Variants in SGK3 observed in about 807,000 individuals in gnomAD.
SGK3 encodes the protein serum/glucocorticoid regulated kinase family member 3, also known as serine/threonine-protein kinase Sgk3.
Under a neutral mutation model 68.5 loss-of-function variants are expected in SGK3, and 47 were observed. The ratio of observed to expected loss-of-function variants is 0.69; its 90% confidence interval spans 0.54 to 0.87. SGK3 has a LOEUF of 0.87. SGK3 is among the 40% of genes least tolerant of loss of function. SGK3 has a pLI of 0.00. For synonymous variants in SGK3, 181 were observed against 189.1 expected (o/e 0.96, Z 0.35); for missense variants, 479 against 575.5 (o/e 0.83, Z 1.72).
intron 1 of SGK3, among the ~76,000 whole-genome samples, chr8:66,749,719 T>C (rs1200156633): frequency 6.6e-6 from 1 of 152,122 alleles, no homozygotes; most frequent in African/African-American, 2.4e-5. Flanking sequence ...TTAGAGACGA[T>C]TGATTTATTC....
chr8:66,839,511 ATAT>A (rs2130719446), intron 10 of SGK3, among the ~76,000 whole-genome samples: 1 of 26,154 alleles, frequency 3.8e-5, no homozygotes, highest in East Asian at 1.6e-3. Context: ...ATATATATAT[ATAT>A]ATATATATAT....
intron 5 of SGK3, 125 bp from the exon 6 acceptor site, chr8:66,822,247 G>T: frequency 1.3e-6 from 1 of 768,918 alleles, no homozygotes; most frequent in South Asian, 3.5e-5. Context: ...AATATTAATG[G>T]ATTCTGTTTT....
At chr8:66,812,010 A>G (rs1808399605) in intron 4 of SGK3, among the ~76,000 whole-genome samples, 1 of 152,240 alleles carries the variant, frequency 6.6e-6, no homozygotes, top group Admixed American at 6.5e-5. Context: ...TTCTGGCTCC[A>G]AAAGACCAGA....
chr8:66,829,903 C>T (rs1185294928), intron 7 of SGK3, among the ~76,000 whole-genome samples: 3 of 148,436 alleles, frequency 2.0e-5, no homozygotes. Flanking sequence ...GACAGAGTCT[C>T]GCTCTGTCGC....
intron 7 of SGK3, among the ~76,000 whole-genome samples, chr8:66,830,931 A>C (rs1422036588): frequency 6.6e-6 from 1 of 152,210 alleles, no homozygotes; most frequent in Non-Finnish European, 1.5e-5. Context: ...GTTTAGATAG[A>C]AGCTATTTCA....
chr8:66,818,501 T>C (rs1485405472), intron 5 of SGK3, among the ~76,000 whole-genome samples: 1 of 152,214 alleles, frequency 6.6e-6, no homozygotes, highest in Non-Finnish European at 1.5e-5. Context: ...CTGAATTATA[T>C]CATCCCCTTA....
intron 14 of SGK3, among the ~76,000 whole-genome samples, chr8:66,844,414 T>C (rs1002661822): frequency 1.3e-5 from 2 of 152,178 alleles, no homozygotes; most frequent in Non-Finnish European, 2.9e-5. Context: ...CAGTTCTTAT[T>C]TAGTTAAAGA....
intron 1 of SGK3, among the ~76,000 whole-genome samples, chr8:66,742,954 A>G (rs1223433606): frequency 6.6e-6 from 1 of 152,018 alleles, no homozygotes; most frequent in Non-Finnish European, 1.5e-5. Context: ...CCTGCTTTTG[A>G]GCCTTTACTT....
chr8:66,748,582 C>T (rs1239975090), intron 1 of SGK3, among the ~76,000 whole-genome samples: 1 of 152,186 alleles, frequency 6.6e-6, no homozygotes, highest in Non-Finnish European at 1.5e-5. Context: ...CTCGATCCTC[C>T]TGGACCTGAC....
intron 1 of SGK3, among the ~76,000 whole-genome samples, chr8:66,755,136 A>G (rs1344653649): frequency 1.3e-5 from 2 of 151,932 alleles, no homozygotes; most frequent in African/African-American, 2.4e-5. Context: ...CAGCACTCCT[A>G]TAATCCCAGC....
chr8:66,737,030 G>A (rs1248934025), intron 1 of SGK3, among the ~76,000 whole-genome samples: 1 of 150,876 alleles, frequency 6.6e-6, no homozygotes, highest in Non-Finnish European at 1.5e-5. Flanking sequence ...CTCTTGTTTT[G>A]GCCTCCCAAA....
intron 1 of SGK3, among the ~76,000 whole-genome samples, chr8:66,746,014 TTA>T (rs1343179326): frequency 6.6e-6 from 1 of 152,162 alleles, no homozygotes; most frequent in Non-Finnish European, 1.5e-5. Context: ...CATAGCAGAT[TTA>T]TTAAAGCTGA....
At chr8:66,794,178 A>T (rs1490268979) in intron 2 of SGK3, among the ~76,000 whole-genome samples, 1 of 152,254 alleles carries the variant, frequency 6.6e-6, no homozygotes, top group African/African-American at 2.4e-5. Flanking sequence ...CATCGATTCC[A>T]TATTAAGAAC....
chr8:66,779,609 A>AT (rs1232147104), intron 1 of SGK3, among the ~76,000 whole-genome samples: 1 of 138,686 alleles, frequency 7.2e-6, no homozygotes, highest in African/African-American at 2.6e-5. Flanking sequence ...TATAAAACAC[A>AT]TTTTTTATAT....
At chr8:66,726,571 C>T (rs1466927787) in intron 1 of SGK3, among the ~76,000 whole-genome samples, 2 of 151,870 alleles carry the variant, frequency 1.3e-5, no homozygotes, top group African/African-American at 4.8e-5. Context: ...GAAACTTGTG[C>T]CAGATTTCAA....
chr8:66,743,803 G>T (rs530334054), intron 1 of SGK3, among the ~76,000 whole-genome samples: 2 of 152,322 alleles, frequency 1.3e-5, no homozygotes, highest in African/African-American at 4.8e-5. Context: ...GTGAGCTACC[G>T]CTCCGAGAGC....
At chr8:66,839,937 G>A in intron 10 of SGK3, 66 bp from the exon 11 acceptor site, 1 of 1,407,846 alleles carries the variant, frequency 7.1e-7, no homozygotes, top group Non-Finnish European at 9.9e-7. Context: ...GAATATATTT[G>A]TTTAATGCTA....
At chr8:66,734,365 T>C (rs1805257435) in intron 1 of SGK3, among the ~76,000 whole-genome samples, 1 of 151,944 alleles carries the variant, frequency 6.6e-6, no homozygotes, top group African/African-American at 2.4e-5. Flanking sequence ...GGAATTTTAT[T>C]TATGTGGTAT....
At position 66,847,240 on chromosome 8, in the gene SGK3, T is replaced by C; in HGVS notation, c.1122T>C (p.Leu374=). Residue 374 remains leucine, a synonymous_variant, in exon 15 of 17, where the codon CTT becomes CTC. Coordinates refer to ENST00000521198, the MANE Select transcript of SGK3 (RefSeq NM_001033578.3). ...TTGCTGAAATGTATGACAATATCCTTCACAAACCCCTAAGTTTGAGGCCAG... is the reference window on the plus strand; with the variant it reads ...TTGCTGAAATGTATGACAATATCCTCCACAAACCCCTAAGTTTGAGGCCAG... The part of the protein sequence containing the change: ...RDVAEMYDNI[L]HKPLSLRPGV... 6.2e-7 allele frequency: 1 copy of C among 1,613,714 alleles called. No individual in the cohort carries two copies. The highest frequency in any genetic ancestry group is 8.5e-7 in the Non-Finnish European group (1 of 1,179,878).
Sources: allele counts gnomAD v4.1 joint callset (sites outside exome capture counted in the v4.1 genomes callset), GRCh38; gene constraint gnomAD v4.1.1; transcripts MANE v1.5; gene names NCBI Gene and HGNC (gene_info 2026-07-23, HGNC 2026-07-21).